Variants in CCDC136 observed in about 807,000 individuals in gnomAD.
CCDC136 encodes the protein coiled-coil domain containing 136.
A neutral mutation model predicts 141.2 loss-of-function variants in CCDC136; 100 were observed. The ratio of observed to expected loss-of-function variants is 0.71; its 90% confidence interval spans 0.60 to 0.84. The LOEUF (loss-of-function observed/expected upper bound fraction) is 0.84. CCDC136 is among the 40% of genes least tolerant of loss of function. The pLI, the probability that CCDC136 is intolerant of heterozygous loss-of-function variation, is 0.00. For missense variants in CCDC136, 1,206 were observed against 1,379.4 expected (o/e 0.87, Z 1.99); for synonymous variants, 474 against 531.9 (o/e 0.89, Z 1.50).
At chr7:128,791,502 GGGCGCCGGAGCC>G, upstream of CCDC136, 1 of 1,300,492 alleles carries the variant, frequency 7.7e-7, no homozygotes, top group Non-Finnish European at 9.7e-7. The surrounding 1 kb of genome is among the most constrained non-coding windows in gnomAD (Gnocchi z 7.1). Flanking sequence ...TCATGGAGGC[GGGCGCCGGAGCC>G]GGCGCGGGAG....
Position 128,811,853 on chromosome 7 carries a change from C to T in CCDC136, c.2082C>T (p.Ala694=), listed in dbSNP as rs761506556. ...AGGCCCTGCAGGTGATGTATGACGC[C>T]GGTCAGGCGAAGCAGGAGCTCTTGC... The part of the protein sequence containing the change: ...QMQALQVMYD[A]GQAKQELLQQ... The change falls in exon 13 of 18, where the codon GCC becomes GCT. Residue 694 remains alanine (A), a synonymous_variant. Transcript: ENST00000297788. 66 of 1,609,892 alleles carry T rather than the reference C, an allele frequency of 4.1e-5. No individual in the cohort carries two copies. The South Asian group carries it at 4.2e-4, about 10-fold the overall frequency.
intron 17 of CCDC136, among the ~76,000 whole-genome samples, chr7:128,818,506 C>G (rs1054077295): frequency 5.3e-5 from 8 of 152,110 alleles, no homozygotes; most frequent in Admixed American, 1.3e-4. Context: ...CTTCCAGTCT[C>G]CGGAAAAGTC....
intron 9 of CCDC136, 60 bp downstream of exon 9, chr7:128,806,918 A>G (rs1354196775): frequency 5.3e-6 from 8 of 1,511,500 alleles, no homozygotes; most frequent in African/African-American, 2.8e-5. Flanking sequence ...TGAGGGTGAG[A>G]GCACAGAGGA....
chr7:128,794,480 G>A lies in CCDC136; in HGVS notation c.149G>A (p.Gly50Glu). 1.3e-6 allele frequency: 2 copies of A among 1,552,274 alleles called. No individual in the cohort carries two copies. Among genetic ancestry groups the A allele is most frequent in the Non-Finnish European group, 1.7e-6 (2 of 1,147,226 alleles). ...VGSLSVNKHR[G>E]LSLTETELEE... The stretch of plus-strand genomic sequence containing the variant: ...TCTCTGTCAGTCAACAAGCACCGGG[G>A]ACTGAGCCTCACGGAGACAGAGCTG... Residue 50 changes from glycine (G) to glutamate (E), a missense_variant, in exon 2 of 18, where the codon GGA becomes GAA. Physicochemically the swap from Gly to Glu is moderately conservative, Grantham distance 98. Transcript: ENST00000297788. The surrounding 1 kb of genome is among the most constrained non-coding windows in gnomAD (Gnocchi z 4.3).
At chr7:128,816,123 G>T (rs1477917008) in intron 16 of CCDC136, among the ~76,000 whole-genome samples, 192 bp downstream of exon 16, 1 of 152,236 alleles carries the variant, frequency 6.6e-6, no homozygotes. Context: ...GAAATCATGG[G>T]CTCAGCCCCG....
rs1274283306 is a variant in CCDC136, at chr7:128,817,461, A to G, written c.3364-297A>G. Among the ~76,000 whole-genome samples, 2 of 152,102 alleles carry G rather than the reference A, an allele frequency of 1.3e-5. No individual in the cohort carries two copies. Among genetic ancestry groups the G allele is most frequent in the African/African-American group, 4.8e-5 (2 of 41,406 alleles). On this transcript the variant is annotated intron_variant, in intron 16 of 17. Coordinates refer to ENST00000297788, the MANE Select transcript of CCDC136 (RefSeq NM_022742.5). This position sits in a 1 kb window ranked among gnomAD's most constrained non-coding sequence, Gnocchi z 4.6. ...TAGATGCAGATACCTCCTGCTTGACAGGATATGAGAGGTATGTGACGAGAC... is the reference window on the plus strand; with the variant it reads ...TAGATGCAGATACCTCCTGCTTGACGGGATATGAGAGGTATGTGACGAGAC...
intron 14 of CCDC136, among the ~76,000 whole-genome samples, chr7:128,814,380 C>T (rs532929956): frequency 2.0e-5 from 3 of 152,244 alleles, no homozygotes; most frequent in East Asian, 1.9e-4. Flanking sequence ...GCAAGTGAGC[C>T]GCTGCGCCCT....
chr7:128,814,945 T>G, intron 15 of CCDC136, 26 bp downstream of exon 15: 3 of 1,533,664 alleles, frequency 2.0e-6, no homozygotes, highest in Non-Finnish European at 2.6e-6. Context: ...GGTAGCCAGA[T>G]AAGCAGAAAG....
intron 16 of CCDC136, among the ~76,000 whole-genome samples, chr7:128,816,352 G>A (rs1265864396): frequency 1.3e-5 from 2 of 152,194 alleles, no homozygotes; most frequent in African/African-American, 4.8e-5. Context: ...TTTTCCTATG[G>A]TGCCCTGTTA....
intron 7 of CCDC136, 90 bp from the exon 8 acceptor site, chr7:128,806,147 G>A: frequency 1.6e-6 from 2 of 1,224,692 alleles, no homozygotes; most frequent in Non-Finnish European, 1.1e-6. Context: ...TCCTCAAGAT[G>A]TCTGCATCTG....
rs1430802904 is a variant in CCDC136, at chr7:128,817,966, G to C, written c.*5+102G>C. The C allele has an allele frequency of 6.9e-6, 6 of 874,890 alleles. No individual in the cohort carries two copies. Among genetic ancestry groups the C allele is most frequent in the Admixed American group, 2.2e-5 (1 of 45,986 alleles). 54.2% of individuals were successfully genotyped at this position (874,890 alleles called of 1,614,324 possible). ...TCTCCCAGCTGCTTGCTTCTTGCTT[G>C]TGCCATTTTATAATAGGTGATGCTC... On this transcript the variant is annotated intron_variant, in intron 17 of 17. Coordinates refer to ENST00000297788, the MANE Select transcript of CCDC136 (RefSeq NM_022742.5). This position sits in a 1 kb window ranked among gnomAD's most constrained non-coding sequence, Gnocchi z 4.6.
Position 128,822,001 on chromosome 7 carries a change from G to A in CCDC136, c.*208G>A. On this transcript the variant is annotated 3_prime_UTR_variant, in exon 18 of 18. Coordinates refer to ENST00000297788, the MANE Select transcript of CCDC136 (RefSeq NM_022742.5). ...CACTGTGCCAGAACCCTCCCCATATGTTCCATGTGTCCCCATCTCCTCAGC... is the reference window on the plus strand; with the variant it reads ...CACTGTGCCAGAACCCTCCCCATATATTCCATGTGTCCCCATCTCCTCAGC... The A allele has an allele frequency of 7.9e-7, 1 of 1,259,694 alleles. No homozygotes were observed. The highest frequency in any genetic ancestry group is 1.0e-6 in the Non-Finnish European group (1 of 971,020). 78.0% of individuals were successfully genotyped at this position (1,259,694 alleles called of 1,614,324 possible). A position where few individuals can be genotyped will look rare whatever the true frequency, so the allele number is the denominator to read the frequency against.
In CCDC136 at chr7:128,811,889, A is replaced by G. The variant is rs1805784266; in HGVS notation, c.2118A>G (p.Gln706=). The change falls in exon 13 of 18, where the codon CAA becomes CAG. Residue 706 remains glutamine, a synonymous_variant. Transcript: ENST00000297788. ...QAKQELLQQE[Q]GRLLEERKRL... is the part of the protein sequence containing the mutation. ...AGCAGGAGCTCTTGCAGCAAGAGCAAGGGAGGCTCCTAGAGGAGCGGAAGA... is the reference window on the plus strand; with the variant it reads ...AGCAGGAGCTCTTGCAGCAAGAGCAGGGGAGGCTCCTAGAGGAGCGGAAGA... The G allele has an allele frequency of 2.5e-6, 4 of 1,613,666 alleles. No individual in the cohort carries two copies. The highest frequency in any genetic ancestry group is 3.4e-6 in the Non-Finnish European group (4 of 1,179,654).
Position 128,814,830 on chromosome 7 carries a change from A to T in CCDC136, c.2956A>T (p.Asn986Tyr). 1.2e-6 allele frequency: 2 copies of T among 1,611,030 alleles called. No homozygotes were observed. The highest frequency in any genetic ancestry group is 1.7e-6 in the Non-Finnish European group (2 of 1,178,520). The part of the protein sequence containing the change: ...KEARGKNANK[N>Y]MNKNANGVKM... ...AGCCCGGGGGAAGAATGCTAATAAG[A>T]ACATGAACAAGAATGCCAATGGGGT... is the stretch of plus-strand genomic sequence containing the variant. The change falls in exon 15 of 18, where the codon AAC becomes TAC. Residue 986 changes from asparagine to tyrosine, a missense_variant. Coordinates refer to ENST00000297788, the MANE Select transcript of CCDC136 (RefSeq NM_022742.5).
chr7:128,816,828 C>T (rs1341774045), intron 16 of CCDC136, among the ~76,000 whole-genome samples: 2 of 152,202 alleles, frequency 1.3e-5, no homozygotes, highest in African/African-American at 4.8e-5. Context: ...AAAAAAGCCT[C>T]TTGTGGTGGG....
chr7:128,809,036 G>A, intron 10 of CCDC136: 1 of 912,924 alleles, frequency 1.1e-6, no homozygotes, highest in East Asian at 1.2e-4. Context: ...TATTTGTAAG[G>A]AGTGTAGTTG....
At chr7:128,798,049 C>T (rs1164340249) in intron 3 of CCDC136, among the ~76,000 whole-genome samples, 3 of 150,670 alleles carry the variant, frequency 2.0e-5, no homozygotes, top group East Asian at 2.0e-4. Flanking sequence ...TCCCGAGTAG[C>T]TGAGACTACA....
chr7:128,808,194 G>A (rs1805161789), intron 10 of CCDC136, among the ~76,000 whole-genome samples: 1 of 152,140 alleles, frequency 6.6e-6, no homozygotes, highest in South Asian at 2.1e-4. Context: ...ATGCCATTGT[G>A]CCTGGCTAAT....
At chr7:128,796,737 ATATTCTT>A (rs1803011910) in intron 3 of CCDC136, among the ~76,000 whole-genome samples, 1 of 119,120 alleles carries the variant, frequency 8.4e-6, no homozygotes, top group African/African-American at 4.3e-5. Context: ...ATATATATAT[ATATTCTT>A]TTTTTTTTTT....
Sources: allele counts gnomAD v4.1 joint callset (sites outside exome capture counted in the v4.1 genomes callset), GRCh38; gene constraint gnomAD v4.1.1; non-coding constraint Gnocchi (gnomAD v3.1); transcripts MANE v1.5; gene names NCBI Gene and HGNC (gene_info 2026-07-23, HGNC 2026-07-21).